SANBR: variants seen among roughly 807,000 people sequenced by gnomAD.
The protein encoded by SANBR is SANT and BTB domain regulator of CSR.
In SANBR, 77 loss-of-function variants were observed where a neutral mutation model predicts 101.8. That is an observed-to-expected ratio of 0.76 (90% CI 0.63 to 0.91). SANBR has a LOEUF of 0.91. Ranked by LOEUF, SANBR falls within the 40% of genes least tolerant of loss-of-function variation. The probability of loss-of-function intolerance (pLI) is 0.00; values close to 1 mark genes in which losing one functional copy is unlikely to be tolerated. For synonymous variants in SANBR, 279 were observed against 274.7 expected (o/e 1.02, Z -0.15); for missense variants, 875 against 853.0 (o/e 1.03, Z -0.32).
In SANBR at chr2:61,070,445, A is replaced by G. The variant is rs1438524050; in HGVS notation, c.95A>G (p.Gln32Arg). The change falls in exon 3 of 22, where the codon CAG becomes CGG. Residue 32 changes from glutamine (Q) to arginine (R), a missense_variant. Gln to Arg is a conservative substitution (Grantham distance 43). Coordinates refer to ENST00000402291, the MANE Select transcript of SANBR (RefSeq NM_001129993.3). Reference protein sequence around the residue: ...MILYPLIGIPQTINWETIARL... With the variant: ...MILYPLIGIPRTINWETIARL... ...CTTTATCCATTAATTGGAATCCCTC[A>G]GACTATCAACTGGGAAACTATAGCA... 14 of 1,602,648 alleles carry G rather than the reference A, an allele frequency of 8.7e-6. No individual in the cohort carries two copies. The highest frequency in any genetic ancestry group is 1.7e-5 in the Admixed American group (1 of 57,756).
intron 16 of SANBR, among the ~76,000 whole-genome samples, chr2:61,109,677 G>GTTTTTTTTTTTTTTTTTTTTTT (rs1363427197): frequency 9.1e-6 from 1 of 109,494 alleles, no homozygotes. Flanking sequence ...TTTTTTTTGT[G>GTTTTTTTTTTTTTTTTTTTTTT]TTTGTTTTTT....
intron 8 of SANBR, among the ~76,000 whole-genome samples, chr2:61,084,671 T>C (rs1192987059): frequency 2.6e-5 from 4 of 152,144 alleles, no homozygotes. Context: ...AAGGAGGATA[T>C]ACTTTAGGTG....
At chr2:61,121,009 AC>A (rs1684309248) in intron 20 of SANBR, among the ~76,000 whole-genome samples, 175 bp from the exon 21 acceptor site, 1 of 152,126 alleles carries the variant, frequency 6.6e-6, no homozygotes, top group South Asian at 2.1e-4. Context: ...ATTTGTCAAA[AC>A]CCACACCTGT....
chr2:61,110,883 G>A (rs549804767), intron 16 of SANBR, among the ~76,000 whole-genome samples: 26 of 151,738 alleles, frequency 1.7e-4, no homozygotes, highest in Non-Finnish European at 3.1e-4. Context: ...TTGTAAGTTA[G>A]ATACAAAATT....
rs764076084 is a variant in SANBR, at chr2:61,083,161, A to C, written c.737A>C (p.Gln246Pro). 2.5e-6 allele frequency: 4 copies of C among 1,606,246 alleles called. No homozygotes were observed. Among genetic ancestry groups the C allele is most frequent in the Non-Finnish European group, 3.4e-6 (4 of 1,175,762 alleles). Residue 246 changes from glutamine (Q) to proline (P), a missense_variant, in exon 8 of 22, where the codon CAG becomes CCG. Physicochemically the swap from Gln to Pro is moderately conservative, Grantham distance 76 (BLOSUM62 -1). Transcript: ENST00000402291. Reference protein sequence around the residue: ...EFLKMDSLVEQCIQYCHKNMN... With the variant: ...EFLKMDSLVEPCIQYCHKNMN... Reference sequence around the variant, plus strand: ...TTTTCTATGATTTTTTAGGTTGAACAGTGTATTCAGTATTGCCACAAAAAT... The same window carrying C: ...TTTTCTATGATTTTTTAGGTTGAACCGTGTATTCAGTATTGCCACAAAAAT...
At chr2:61,082,901 A>T (rs765430799) in intron 7 of SANBR, among the ~76,000 whole-genome samples, 1 of 152,166 alleles carries the variant, frequency 6.6e-6, no homozygotes, top group Non-Finnish European at 1.5e-5. Flanking sequence ...TAAAAGATGC[A>T]TTATTATTAT....
At chr2:61,085,507 T>C (rs941743376) in intron 8 of SANBR, among the ~76,000 whole-genome samples, 4 of 151,926 alleles carry the variant, frequency 2.6e-5, no homozygotes, top group Non-Finnish European at 1.5e-5. Context: ...TAGCACACTG[T>C]TACACTGTCT....
At chr2:61,115,933 A>G in intron 16 of SANBR, 46 bp from the exon 17 acceptor site, 1 of 1,215,574 alleles carries the variant, frequency 8.2e-7, no homozygotes. Flanking sequence ...GTGGACTGGA[A>G]AAGTATATGG....
Position 61,088,490 on chromosome 2 carries a change from T to TA in SANBR, c.1088+23dup, listed in dbSNP as rs1682572223. 2.8e-6 allele frequency: 4 copies of TA among 1,439,694 alleles called. No individual in the cohort carries two copies. The East Asian group carries it at 9.6e-5, about 34-fold the overall frequency. 89.2% of individuals were successfully genotyped at this position (1,439,694 alleles called of 1,614,324 possible). A position where few individuals can be genotyped will look rare whatever the true frequency, so the allele number is the denominator to read the frequency against. ...TAAGGTGTCGTGAAGATAAAATACATACATGTATTTTTGTATATATATATA... is the reference window on the plus strand; with the variant it reads ...TAAGGTGTCGTGAAGATAAAATACATAACATGTATTTTTGTATATATATATA... On this transcript the variant is annotated intron_variant, in intron 10 of 21. Coordinates refer to ENST00000402291, the MANE Select transcript of SANBR (RefSeq NM_001129993.3).
intron 11 of SANBR, 152 bp from the exon 12 acceptor site, chr2:61,097,548 G>T: frequency 3.9e-6 from 2 of 515,664 alleles, no homozygotes; most frequent in Non-Finnish European, 3.4e-6. Context: ...TTCCACCCCT[G>T]GCAACCACTA....
At chr2:61,088,490 T>C (rs777331484) in intron 10 of SANBR, 22 bp downstream of exon 10, 1 of 1,439,694 alleles carries the variant, frequency 6.9e-7, no homozygotes, top group Non-Finnish European at 9.5e-7. Context: ...ATAAAATACA[T>C]ACATGTATTT....
At chr2:61,095,031 C>T (rs113675829) in intron 11 of SANBR, among the ~76,000 whole-genome samples, 5 of 152,142 alleles carry the variant, frequency 3.3e-5, no homozygotes, top group African/African-American at 4.8e-5. Flanking sequence ...TCCAAAGTCC[C>T]GGAACCATTT....
In SANBR at chr2:61,088,408, C is replaced by G. The variant is rs375111170; in HGVS notation, c.1028C>G (p.Pro343Arg). 3.7e-6 allele frequency: 6 copies of G among 1,607,386 alleles called. No homozygotes were observed. The African/African-American group carries it at 8.0e-5, about 22-fold the overall frequency. Residue 343 changes from proline (P) to arginine (R), a missense_variant, in exon 10 of 22, where the codon CCT becomes CGT. Transcript: ENST00000402291. ...ACAAAAGAAACAGAAAGAAGAATTC[C>G]TTGCATTCCTGGAAAAATCAATGTG... ...LLTKETERRI[P>R]CIPGKINVDR...
At chr2:61,130,290 T>C (rs1684647112) in intron 20 of SANBR, among the ~76,000 whole-genome samples, 1 of 152,154 alleles carries the variant, frequency 6.6e-6, no homozygotes, top group Non-Finnish European at 1.5e-5. Context: ...TGTGTGCCAA[T>C]AAATTGGATA....
downstream of SANBR, among the ~76,000 whole-genome samples, chr2:61,125,175 G>A (rs1684479271): frequency 6.6e-6 from 1 of 152,196 alleles, no homozygotes; most frequent in South Asian, 2.1e-4. Flanking sequence ...AATTAAATAA[G>A]TTAATAGATC....
chr2:61,108,698 A>G (rs1466140706), intron 15 of SANBR, among the ~76,000 whole-genome samples: 1 of 151,180 alleles, frequency 6.6e-6, no homozygotes, highest in Non-Finnish European at 1.5e-5. Flanking sequence ...TGCCAGTACT[A>G]TGCTGTCTGC....
intron 12 of SANBR, among the ~76,000 whole-genome samples, chr2:61,100,064 A>G (rs562833067): frequency 1.4e-4 from 21 of 152,178 alleles, no homozygotes; most frequent in Non-Finnish European, 2.6e-4. Context: ...GAGGAGATAG[A>G]TTAGTAATTT....
chr2:61,100,367 A>T (rs1683226015), intron 12 of SANBR, among the ~76,000 whole-genome samples: 2 of 152,182 alleles, frequency 1.3e-5, no homozygotes, highest in African/African-American at 2.4e-5. Flanking sequence ...GGCCTCCCAA[A>T]GTGCTGGAAT....
chr2:61,115,345 TA>T (rs139014487), intron 16 of SANBR, among the ~76,000 whole-genome samples: 327 of 78,458 alleles, frequency 4.2e-3, no homozygotes, highest in Middle Eastern at 0.023. Context: ...TATATATATA[TA>T]TTTTTTTTTT....
Sources: gnomAD v4.1 joint callset for allele counts (sites outside exome capture counted in the v4.1 genomes callset) on GRCh38, gnomAD v4.1.1 for gene constraint, MANE v1.5 for transcripts, NCBI Gene and HGNC (gene_info 2026-07-23, HGNC 2026-07-21) for gene names.